The following GSDMC variants were observed in gnomAD, a reference collection of about 807,000 sequenced individuals.
GSDMC encodes gasdermin-C.
In GSDMC, 59 loss-of-function variants were observed where a neutral mutation model predicts 58.0. The observed-to-expected ratio is 1.02, with a 90% CI of 0.82 to 1.26. The LOEUF (loss-of-function observed/expected upper bound fraction) is 1.26. Ranked by LOEUF, GSDMC falls within the 50% of genes most tolerant of loss-of-function variation. GSDMC has a pLI of 0.00. For missense variants in GSDMC, 659 were observed against 598.5 expected, an observed-to-expected ratio of 1.10 and a Z score of -1.06; for synonymous variants, 241 against 220.2, an observed-to-expected ratio of 1.09 and a Z score of -0.83.
intron 12 of GSDMC, 112 bp from the exon 13 acceptor site, chr8:129,749,637 C>T: frequency 2.5e-6 from 2 of 810,670 alleles, no homozygotes; most frequent in Admixed American, 2.0e-5. Flanking sequence ...AGGAATAAAA[C>T]CCATTAGACT....
intron 6 of GSDMC, among the ~76,000 whole-genome samples, chr8:129,753,560 T>C (rs539152621): frequency 6.6e-6 from 1 of 152,178 alleles, no homozygotes. Context: ...TGACTCAGCA[T>C]ATTCCCAGCT....
chr8:129,736,679 T>C, the GSDMC span, among the ~76,000 whole-genome samples: 4 of 152,278 alleles, frequency 2.6e-5, no homozygotes, highest in East Asian at 7.7e-4. Context: ...CCACAGCCAA[T>C]ATCATACTGA....
intron 6 of GSDMC, among the ~76,000 whole-genome samples, chr8:129,756,511 A>G (rs907970147): frequency 2.0e-5 from 3 of 152,180 alleles, no homozygotes; most frequent in Non-Finnish European, 2.9e-5. Context: ...AAGAAACTCA[A>G]GAAAGAAGCC....
intron 1 of GSDMC, among the ~76,000 whole-genome samples, chr8:129,780,697 T>C (rs750417753): frequency 1.2e-4 from 18 of 152,218 alleles, no homozygotes; most frequent in Non-Finnish European, 1.9e-4. Flanking sequence ...AGAAATCATC[T>C]GAAGGTACAA....
intron 2 of GSDMC, 149 bp downstream of exon 2, chr8:129,777,219 T>C: frequency 3.4e-6 from 2 of 596,762 alleles, no homozygotes; most frequent in Non-Finnish European, 6.0e-6. Flanking sequence ...GATTCTCAAT[T>C]TGTCTTCGTT....
intron 1 of GSDMC, among the ~76,000 whole-genome samples, chr8:129,782,548 A>G (rs2034444695): frequency 1.3e-5 from 2 of 152,148 alleles, no homozygotes; most frequent in African/African-American, 4.8e-5. Context: ...TATTGCAGGA[A>G]TTCAAAGGAT....
chr8:129,709,131 T>G, the GSDMC span, among the ~76,000 whole-genome samples: 2 of 151,742 alleles, frequency 1.3e-5, no homozygotes, highest in African/African-American at 2.4e-5. Context: ...TATTACCCCA[T>G]CCATGGCACT....
At chr8:129,745,048 C>T (rs749856331), downstream of GSDMC, among the ~76,000 whole-genome samples, 32 of 152,124 alleles carry the variant, frequency 2.1e-4, no homozygotes, top group Admixed American at 7.2e-4. Context: ...CTGTCTCTCA[C>T]GGATTTCTTC....
chr8:129,776,366 G>T, intron 2 of GSDMC, 81 bp from the exon 3 acceptor site: 1 of 1,121,320 alleles, frequency 8.9e-7, no homozygotes, highest in Non-Finnish European at 1.2e-6. Context: ...CAGCTGGTGT[G>T]CAAAATGAAA....
chr8:129,783,969 G>A (rs1316470533), intron 1 of GSDMC, among the ~76,000 whole-genome samples: 1 of 152,090 alleles, frequency 6.6e-6, no homozygotes, highest in Non-Finnish European at 1.5e-5. Flanking sequence ...TTTTACCAAG[G>A]TGCCAAGAAC....
Position 129,750,531 on chromosome 8 carries a change from T to C in GSDMC, c.983A>G (p.Lys328Arg). 6.2e-7 allele frequency: 1 copy of C among 1,614,018 alleles called. No individual in the cohort carries two copies. Among genetic ancestry groups the C allele is most frequent in the Non-Finnish European group, 8.5e-7 (1 of 1,179,878 alleles). ...ATCCTTTGAGAGCTGAGCCAGTGTC[T>C]TTATTTTCTGGAAAACCTCCTCTTG... ...HLQEEVFQKIKTLAQLSKDVQ... is the reference protein window; with the variant it reads ...HLQEEVFQKIRTLAQLSKDVQ... The change falls in exon 11 of 14, where the codon AAG becomes AGG. Residue 328 changes from lysine to arginine, a missense_variant. By Grantham distance (26) the Lys-to-Arg change is conservative. Coordinates refer to ENST00000276708, the MANE Select transcript of GSDMC (RefSeq NM_031415.3).
At chr8:129,736,790 G>T in the GSDMC span, among the ~76,000 whole-genome samples, 1 of 151,278 alleles carries the variant, frequency 6.6e-6, no homozygotes, top group Non-Finnish European at 1.5e-5. Flanking sequence ...TTCTGGCCAG[G>T]GCAATCAGGC....
chr8:129,736,333 CA>C, the GSDMC span, among the ~76,000 whole-genome samples: 3 of 152,038 alleles, frequency 2.0e-5, no homozygotes, highest in Middle Eastern at 3.4e-3. Context: ...ACAGATGCAA[CA>C]AAAAAAGAGA....
At chr8:129,751,518 G>C (rs761615666) in intron 10 of GSDMC, 24 bp downstream of exon 10, 2 of 1,604,092 alleles carry the variant, frequency 1.2e-6, no homozygotes, top group South Asian at 1.1e-5. Flanking sequence ...AGAAGCCCCA[G>C]GTTCCCCCTT....
chr8:129,779,139 A>G (rs1309811866), intron 1 of GSDMC, among the ~76,000 whole-genome samples: 3 of 152,236 alleles, frequency 2.0e-5, no homozygotes, highest in Non-Finnish European at 4.4e-5. Flanking sequence ...ATATCATTTT[A>G]TAATAAAGAC....
At chr8:129,736,422 A>G in the GSDMC span, among the ~76,000 whole-genome samples, 3 of 152,228 alleles carry the variant, frequency 2.0e-5, no homozygotes. Flanking sequence ...CCAGCAGCAC[A>G]TCAAAAAGCT....
chr8:129,756,718 C>T (rs1295696224), intron 6 of GSDMC, among the ~76,000 whole-genome samples: 3 of 151,996 alleles, frequency 2.0e-5, no homozygotes, highest in Non-Finnish European at 2.9e-5. Flanking sequence ...TCTCTGACCA[C>T]AATGGAATAA....
chr8:129,750,563 C>T lies in GSDMC; in HGVS notation c.951G>A (p.Lys317=), dbSNP rs1034991280. The part of the protein sequence containing the change: ...RIEEPFWQNF[K]HLQEEVFQKI... ...TCTGGAAAACCTCCTCTTGTAGATG[C>T]TTGAAATCTGCTCTCAGGCATCAAC... The change falls in exon 11 of 14, where the codon AAG becomes AAA. Residue 317 remains lysine, a synonymous_variant. Coordinates refer to ENST00000276708, the MANE Select transcript of GSDMC (RefSeq NM_031415.3). 6.2e-7 allele frequency: 1 copy of T among 1,613,730 alleles called. No individual in the cohort carries two copies. The highest frequency in any genetic ancestry group is 1.3e-5 in the African/African-American group (1 of 74,902).
intron 4 of GSDMC, among the ~76,000 whole-genome samples, chr8:129,763,804 TC>T (rs1254888495): frequency 6.6e-6 from 1 of 152,134 alleles, no homozygotes; most frequent in African/African-American, 2.4e-5. Flanking sequence ...GGTGTTGAAC[TC>T]CTGAGCTCAA....
Sources: allele counts gnomAD v4.1 joint callset (sites outside exome capture counted in the v4.1 genomes callset), GRCh38; gene constraint gnomAD v4.1.1; transcripts MANE v1.5; gene names NCBI Gene and HGNC (gene_info 2026-07-23, HGNC 2026-07-21).